The following TSTD2 variants were observed in gnomAD, a reference collection of about 807,000 sequenced individuals.
The protein encoded by TSTD2 is thiosulfate sulfurtransferase/rhodanese-like domain-containing protein 2.
In TSTD2, 37 loss-of-function variants were observed where a neutral mutation model predicts 47.9. The observed-to-expected ratio is 0.77, with a 90% CI of 0.59 to 1.02. The LOEUF (loss-of-function observed/expected upper bound fraction) is 1.02, where lower values mean the gene tolerates loss of function less well. Ranked by LOEUF, TSTD2 falls within the 50% of genes least tolerant of loss-of-function variation. The pLI, the probability that TSTD2 is intolerant of heterozygous loss-of-function variation, is 0.00. For synonymous variants in TSTD2, 201 were observed against 215.9 expected (o/e 0.93, Z 0.61); for missense variants, 586 against 616.0 (o/e 0.95, Z 0.52).
Position 97,625,958 on chromosome 9 carries a change from T to C in TSTD2, c.205A>G (p.Lys69Glu). 3.1e-6 allele frequency: 5 copies of C among 1,612,982 alleles called. No homozygotes were observed. Among genetic ancestry groups the C allele is most frequent in the Non-Finnish European group, 4.2e-6 (5 of 1,179,706 alleles). ...TTTTCTTTACATTCAAAACTCCTTTTTGTTGGAACTTCTTTGGTTTTGACA... is the reference window on the plus strand; with the variant it reads ...TTTTCTTTACATTCAAAACTCCTTTCTGTTGGAACTTCTTTGGTTTTGACA... ...LFVKTKEVPT[K>E]RSFECKEKLW... The change falls in exon 3 of 10, where the codon AAA (lysine) becomes GAA (glutamate). Residue 69 changes from lysine (K) to glutamate (E), a missense_variant. Coordinates refer to ENST00000341170, the MANE Select transcript of TSTD2 (RefSeq NM_139246.5).
intron 9 of TSTD2, among the ~76,000 whole-genome samples, chr9:97,603,744 G>T (rs1826313851): frequency 6.6e-6 from 1 of 152,154 alleles, no homozygotes; most frequent in Non-Finnish European, 1.5e-5. Context: ...GTGTCACCCA[G>T]GCTGGAGTAC....
At chr9:97,632,754 G>A (rs1479648081) in intron 1 of TSTD2, among the ~76,000 whole-genome samples, 2 of 152,272 alleles carry the variant, frequency 1.3e-5, no homozygotes, top group South Asian at 2.1e-4. Context: ...AGCAGAGCAG[G>A]CAGGGTTTAC....
chr9:97,600,790 GTAT>G lies in TSTD2; in HGVS notation c.*1676_*1678del. On this transcript the variant is annotated 3_prime_UTR_variant, in exon 10 of 10. Coordinates refer to ENST00000341170, the MANE Select transcript of TSTD2 (RefSeq NM_139246.5). Reference sequence around the variant, plus strand: ...CCCAAGATGATTACACTGAAATGTAGTATTAGTACTGCTGCCAGATCTCTTTTT... The same window carrying G: ...CCCAAGATGATTACACTGAAATGTAGTAGTACTGCTGCCAGATCTCTTTTT... 1 of 1,069,282 alleles carries G rather than the reference GTAT, an allele frequency of 9.4e-7. No homozygotes were observed. The highest frequency in any genetic ancestry group is 1.1e-6 in the Non-Finnish European group (1 of 877,960). The allele number at this position is 1,069,282 out of a possible 1,614,324, so 66.2% of individuals were successfully genotyped here.
intron 1 of TSTD2, among the ~76,000 whole-genome samples, chr9:97,630,863 G>T (rs963600786): frequency 2.0e-5 from 3 of 152,124 alleles, no homozygotes; most frequent in African/African-American, 7.2e-5. Context: ...TATAATAAAT[G>T]ACTCCATATT....
Position 97,612,312 on chromosome 9 carries a change from T to C in TSTD2, c.604-613A>G, listed in dbSNP as rs565595126. ...AACAGTGCTGCAATGAACATATGCATACATGTGTCTTTATAACAGAACAAT... is the reference window on the plus strand; with the variant it reads ...AACAGTGCTGCAATGAACATATGCACACATGTGTCTTTATAACAGAACAAT... On this transcript the variant is annotated intron_variant, in intron 4 of 9. Coordinates refer to ENST00000341170, the MANE Select transcript of TSTD2 (RefSeq NM_139246.5). Among the ~76,000 whole-genome samples, 13 of 152,352 alleles carry C rather than the reference T, an allele frequency of 8.5e-5. No homozygotes were observed. The East Asian group carries it at 2.1e-3, about 25-fold the overall frequency.
chr9:97,611,756 C>T (rs1826464695), intron 4 of TSTD2, 57 bp from the exon 5 acceptor site: 1 of 1,554,992 alleles, frequency 6.4e-7, no homozygotes, highest in African/African-American at 1.3e-5. Flanking sequence ...GTTATCTTTC[C>T]AGGGAAGAAC....
Position 97,604,797 on chromosome 9 carries a change from G to T in TSTD2, c.1182C>A (p.Gly394=). Residue 394 remains glycine, a synonymous_variant, in exon 9 of 10, where the codon GGC becomes GGA. Transcript: ENST00000341170. ...IHKYLEEFPD[G]FYKGKLFVFD... is the part of the protein sequence containing the mutation. The stretch of plus-strand genomic sequence containing the variant: ...AAACAAACAACTTCCCTTTGTAAAA[G>T]CCATCAGGAAACTCTTCCAGGTACT... 1 of 1,614,214 alleles carries T rather than the reference G, an allele frequency of 6.2e-7. No individual in the cohort carries two copies. The highest frequency in any genetic ancestry group is 2.2e-5 in the East Asian group (1 of 44,890).
intron 1 of TSTD2, among the ~76,000 whole-genome samples, chr9:97,631,304 G>A (rs1489787543): frequency 1.3e-5 from 2 of 151,118 alleles, no homozygotes; most frequent in East Asian, 1.9e-4. Flanking sequence ...TTTTTTTTTA[G>A]TAGAGACAGG....
At chr9:97,603,199 C>T (rs559764076) in intron 9 of TSTD2, 12 of 173,736 alleles carry the variant, frequency 6.9e-5, no homozygotes, top group South Asian at 3.8e-4. Context: ...AGTGAACATG[C>T]GCAGTCCACA....
chr9:97,610,280 TTTC>T (rs1564006960), intron 6 of TSTD2, 63 bp downstream of exon 6: 1 of 1,431,032 alleles, frequency 7.0e-7, no homozygotes, highest in Admixed American at 2.0e-5. Context: ...AGTGCCTAGC[TTTC>T]TTATTTGTCT....
rs1338136098 is a variant in TSTD2 at position 97,606,614 on chromosome 9, T to C, written c.836-353A>G. 3.9e-5 allele frequency among the ~76,000 whole-genome samples: 6 copies of C among 152,140 alleles called. No individual in the cohort carries two copies. The East Asian group carries it at 1.2e-3, about 29-fold the overall frequency. On this transcript the variant is annotated intron_variant, in intron 6 of 9. Coordinates refer to ENST00000341170, the MANE Select transcript of TSTD2 (RefSeq NM_139246.5). The stretch of plus-strand genomic sequence containing the variant: ...TTGCCATGTGAATTTGCTGGTCCAT[T>C]GTATGGTCACTGGTAGGTCAGGAAA...
intron 9 of TSTD2, 130 bp downstream of exon 9, chr9:97,604,590 CACAATGT>C (rs1236777187): frequency 2.3e-6 from 3 of 1,310,384 alleles, no homozygotes; most frequent in Non-Finnish European, 3.1e-6. Context: ...AAAATGGTGG[CACAATGT>C]ACTTATTTTC....
rs565123595 is a variant in TSTD2, at chr9:97,612,213, T to A, written c.604-514A>T. Among the ~76,000 whole-genome samples the A allele has an allele frequency of 2.0e-5, 3 of 152,358 alleles. No homozygotes were observed. The South Asian group carries it at 6.2e-4, about 32-fold the overall frequency. ...GATCTTGTTCTTTTTTATAGCTGCA[T>A]AGTATTCCCACATTTTCTTTATCCA... On this transcript the variant is annotated intron_variant, in intron 4 of 9. Transcript: ENST00000341170.
chr9:97,602,743 C>T lies in TSTD2; in HGVS notation c.1277G>A (p.Trp426Ter), dbSNP rs1826286858. The stretch of plus-strand genomic sequence containing the variant: ...AGTAGAGCAGAGTTTATACTGGTCC[C>T]AGCGGGCTCCACAGTATGAACACTC... ...VSECSYCGARWDQYKLCSTPQ... is the reference protein window; with the variant it reads ...VSECSYCGAR Residue 426 changes from tryptophan to a stop codon, truncating the protein, a stop_gained, in exon 10 of 10, where the codon TGG becomes TAG. Transcript: ENST00000341170. LOFTEE classifies it low-confidence loss of function (END_TRUNC). 6.2e-7 allele frequency: 1 copy of T among 1,613,182 alleles called. No homozygotes were observed. The highest frequency in any genetic ancestry group is 1.7e-5 in the Admixed American group (1 of 59,936).
rs755848142 is a variant in TSTD2 at position 97,602,582 on chromosome 9, C to T, written c.1438G>A (p.Glu480Lys). 7 of 1,614,086 alleles carry T rather than the reference C, an allele frequency of 4.3e-6. No individual in the cohort carries two copies. Among genetic ancestry groups the T allele is most frequent in the East Asian group, 2.2e-5 (1 of 44,888 alleles). The change falls in exon 10 of 10, where the codon GAG (glutamate) becomes AAG (lysine). Residue 480 changes from glutamate (E) to lysine (K), a missense_variant. Transcript: ENST00000341170. ...PMQDSFKEEC[E>K]CTARRPRIPR... is the part of the protein sequence containing the mutation. Reference sequence around the variant, plus strand: ...ATGCGTGGCCGTCGGGCTGTGCACTCGCATTCCTCTTTAAAGCTGTCTTGC... The same window carrying T: ...ATGCGTGGCCGTCGGGCTGTGCACTTGCATTCCTCTTTAAAGCTGTCTTGC...
rs753532989 is a variant in TSTD2 at position 97,602,757 on chromosome 9, G to A, written c.1263C>T (p.Tyr421=). The stretch of plus-strand genomic sequence containing the variant: ...TATACTGGTCCCAGCGGGCTCCACA[G>A]TATGAACACTCTGGGGAGGAAGGAA... ...YNSDVVSECS[Y]CGARWDQYKL... The change falls in exon 10 of 10, where the codon TAC becomes TAT. Residue 421 remains tyrosine (Y), a synonymous_variant. Coordinates refer to ENST00000341170, the MANE Select transcript of TSTD2 (RefSeq NM_139246.5). 3 of 1,609,508 alleles carry A rather than the reference G, an allele frequency of 1.9e-6. No individual in the cohort carries two copies. The highest frequency in any genetic ancestry group is 2.5e-6 in the Non-Finnish European group (3 of 1,177,036).
chr9:97,620,363 T>C (rs991230532), intron 3 of TSTD2, among the ~76,000 whole-genome samples: 5 of 152,200 alleles, frequency 3.3e-5, no homozygotes, highest in Non-Finnish European at 7.3e-5. Context: ...CCATTAAACC[T>C]CTTTCTTTTG....
At chr9:97,623,123 C>T (rs1267669871) in intron 3 of TSTD2, among the ~76,000 whole-genome samples, 2 of 152,194 alleles carry the variant, frequency 1.3e-5, no homozygotes, top group African/African-American at 2.4e-5. Context: ...ACAATTCCCA[C>T]GTGTCATGGG....
At position 97,626,495 on chromosome 9, in the gene TSTD2, A is replaced by C. The variant is rs567834494; in HGVS notation, c.166-498T>G. 5.3e-5 allele frequency among the ~76,000 whole-genome samples: 8 copies of C among 152,344 alleles called. No homozygotes were observed. The South Asian group carries it at 1.7e-3, about 32-fold the overall frequency. ...ACCACATTAAAAAGTACATTGAAAAAGACCAGGAAGAAACGTACCAAAATA... is the reference window on the plus strand; with the variant it reads ...ACCACATTAAAAAGTACATTGAAAACGACCAGGAAGAAACGTACCAAAATA... On this transcript the variant is annotated intron_variant, in intron 2 of 9. Coordinates refer to ENST00000341170, the MANE Select transcript of TSTD2 (RefSeq NM_139246.5).
Sources: allele counts gnomAD v4.1 joint callset (sites outside exome capture counted in the v4.1 genomes callset), GRCh38; gene constraint gnomAD v4.1.1; transcripts MANE v1.5; gene names NCBI Gene and HGNC (gene_info 2026-07-23, HGNC 2026-07-21).